DOCK1: variants seen among roughly 807,000 people sequenced by gnomAD.
DOCK1 encodes the protein dedicator of cytokinesis protein 1.
Under a neutral mutation model 262.7 loss-of-function variants are expected in DOCK1, and 138 were observed. The ratio of observed to expected loss-of-function variants is 0.53; its 90% CI spans 0.46 to 0.61. The LOEUF is 0.61. DOCK1 is among the 20% of genes least tolerant of loss of function. The pLI is 0.00. For missense variants in DOCK1, 1,908 were observed against 2,370.7 expected (o/e 0.80, Z 4.05); for synonymous variants, 866 against 867.4 (o/e 1.00, Z 0.03).
intron 29 of DOCK1, among the ~76,000 whole-genome samples, chr10:127,287,791 G>T (rs1341493432): frequency 6.6e-6 from 1 of 152,106 alleles, no homozygotes; most frequent in Non-Finnish European, 1.5e-5. Flanking sequence ...TTGATTAGTG[G>T]CATCAGGTGC....
In DOCK1 at chr10:127,175,996, C is replaced by T; in HGVS notation, c.2847+48232C>T. The T allele has an allele frequency of 6.2e-7, 1 of 1,614,198 alleles. No homozygotes were observed. Among genetic ancestry groups the T allele is most frequent in the Admixed American group, 1.7e-5 (1 of 60,030 alleles). Reference sequence around the variant, plus strand: ...CCATTGTTTTGGCTTTTAAAGGGATCTGCAGCTGGGAGGCTTTTGAGGTTC... The same window carrying T: ...CCATTGTTTTGGCTTTTAAAGGGATTTGCAGCTGGGAGGCTTTTGAGGTTC... On this transcript the variant is annotated intron_variant, in intron 27 of 51. Coordinates refer to ENST00000623213, the MANE Select transcript of DOCK1 (RefSeq NM_001290223.2). The surrounding 1 kb of genome is among the most constrained non-coding windows in gnomAD (Gnocchi z 6.3).
At chr10:127,065,103 C>T (rs117060154) in intron 23 of DOCK1, among the ~76,000 whole-genome samples, 5,975 of 152,204 alleles carry the variant, frequency 0.039, 337 homozygotes, top group East Asian at 0.13. Context: ...TCTGCCTTCC[C>T]GGTTCAAGTG....
chr10:127,178,883 C>G (rs1179934488), intron 27 of DOCK1, among the ~76,000 whole-genome samples: 1 of 152,094 alleles, frequency 6.6e-6, no homozygotes, highest in Non-Finnish European at 1.5e-5. Flanking sequence ...GCACACAAGA[C>G]AGCTTGGTGT....
At chr10:127,404,484 C>A in intron 40 of DOCK1, 55 bp downstream of exon 40, 1 of 1,540,312 alleles carries the variant, frequency 6.5e-7, no homozygotes, top group Non-Finnish European at 8.9e-7. Flanking sequence ...GCAGAAAATC[C>A]CCTTCCCGTT....
At chr10:127,421,812 T>G (rs2068527675) in intron 46 of DOCK1, among the ~76,000 whole-genome samples, 1 of 152,232 alleles carries the variant, frequency 6.6e-6, no homozygotes, top group Admixed American at 6.5e-5. Flanking sequence ...CTTCATTCCT[T>G]TTTAAGGCTG....
chr10:127,177,044 A>C (rs376882111), intron 27 of DOCK1: 1 of 152,266 alleles, frequency 6.6e-6, no homozygotes, highest in East Asian at 1.9e-4. Flanking sequence ...TCATGGGTTA[A>C]CATCAGCTCT....
intron 25 of DOCK1, among the ~76,000 whole-genome samples, chr10:127,117,258 A>G (rs2049243539): frequency 1.3e-5 from 2 of 152,176 alleles, no homozygotes; most frequent in Middle Eastern, 3.2e-3. Flanking sequence ...TAGAATTGGA[A>G]AAGAGTGATT....
intron 29 of DOCK1, among the ~76,000 whole-genome samples, chr10:127,304,415 G>T (rs2061801314): frequency 6.6e-6 from 1 of 152,142 alleles, no homozygotes; most frequent in Admixed American, 6.5e-5. Flanking sequence ...TTACCAAAGA[G>T]AAAAATGTCA....
intron 29 of DOCK1, among the ~76,000 whole-genome samples, chr10:127,321,332 C>G (rs2135567575): frequency 7.3e-6 from 1 of 136,112 alleles, no homozygotes; most frequent in Non-Finnish European, 1.5e-5. Context: ...TTTCCTTCCT[C>G]TATCCTCCCT....
intron 49 of DOCK1, among the ~76,000 whole-genome samples, chr10:127,442,619 A>G (rs1034434824): frequency 2.0e-5 from 3 of 152,168 alleles, no homozygotes; most frequent in Non-Finnish European, 2.9e-5. Flanking sequence ...GAAAAAATGC[A>G]TTGAAAAGGA....
chr10:127,042,921 A>G lies in DOCK1; in HGVS notation c.2101-143A>G, dbSNP rs1463745824. On this transcript the variant is annotated intron_variant, in intron 20 of 51. Transcript: ENST00000623213. ...GTTAGGCAAATGTCATTTCTAGGGT[A>G]AGAAAAGGTAAACTAGCCACCAACT... The G allele has an allele frequency of 8.5e-6, 7 of 826,288 alleles. No individual in the cohort carries two copies. The East Asian group carries it at 1.9e-4, about 22-fold the overall frequency. The allele number at this position is 826,288 out of a possible 1,614,324, so 51.2% of individuals were successfully genotyped here.
chr10:127,126,611 T>G (rs1181520495), intron 26 of DOCK1, among the ~76,000 whole-genome samples: 2 of 152,122 alleles, frequency 1.3e-5, no homozygotes, highest in African/African-American at 4.8e-5. Context: ...CCAGCACATA[T>G]GGAAAAGTCT....
chr10:127,170,402 A>C (rs1228661385), intron 27 of DOCK1, among the ~76,000 whole-genome samples: 2 of 152,174 alleles, frequency 1.3e-5, no homozygotes, highest in East Asian at 3.9e-4. Flanking sequence ...CCATAGAAGA[A>C]TCTGCTTCAC....
intron 27 of DOCK1, among the ~76,000 whole-genome samples, chr10:127,230,869 G>A (rs2498942): frequency 0.19 from 29,160 of 151,758 alleles, 3,320 homozygotes; most frequent in African/African-American, 0.31. Context: ...TTTTGAATAG[G>A]ACTTGCGTTG....
intron 21 of DOCK1, among the ~76,000 whole-genome samples, chr10:127,047,851 CCTCT>C (rs1247959078): frequency 2.6e-5 from 4 of 152,282 alleles, no homozygotes; most frequent in South Asian, 2.1e-4. Flanking sequence ...TGATTTTGCT[CCTCT>C]CTATTTCTGA....
intron 12 of DOCK1, among the ~76,000 whole-genome samples, chr10:127,017,469 G>T (rs142309671): frequency 1.0e-4 from 15 of 147,640 alleles, no homozygotes; most frequent in Non-Finnish European, 1.6e-4. Flanking sequence ...TTAGCCACAC[G>T]CATACAGATA....
intron 23 of DOCK1, among the ~76,000 whole-genome samples, chr10:127,102,916 A>G (rs2048331628): frequency 6.6e-6 from 1 of 152,222 alleles, no homozygotes; most frequent in South Asian, 2.1e-4. Flanking sequence ...TGACAAAGGC[A>G]TAATGCATTC....
intron 27 of DOCK1, among the ~76,000 whole-genome samples, chr10:127,160,095 A>G (rs2133644692): frequency 6.6e-6 from 1 of 152,078 alleles, no homozygotes; most frequent in South Asian, 2.1e-4. Context: ...CTCTGAGGCA[A>G]TCATAACAAA....
chr10:127,119,108 ATC>A (rs1279516311), intron 25 of DOCK1, among the ~76,000 whole-genome samples: 1 of 151,654 alleles, frequency 6.6e-6, no homozygotes, highest in East Asian at 1.9e-4. Context: ...CAGTGGCGCA[ATC>A]TCGGCTTACT....
Sources: gnomAD v4.1 joint callset for allele counts (sites outside exome capture counted in the v4.1 genomes callset) on GRCh38, gnomAD v4.1.1 for gene constraint, Gnocchi (gnomAD v3.1) non-coding constraint, MANE v1.5 for transcripts, NCBI Gene and HGNC (gene_info 2026-07-23, HGNC 2026-07-21) for gene names.